CBFA2T2: variants seen among roughly 807,000 people sequenced by gnomAD.
The protein encoded by CBFA2T2 is CBFA2/RUNX1 partner transcriptional co-repressor 2.
Under a neutral mutation model 62.2 loss-of-function variants are expected in CBFA2T2, and 11 were observed. The ratio of observed to expected loss-of-function variants is 0.18; its 90% CI spans 0.11 to 0.29. The LOEUF (loss-of-function observed/expected upper bound fraction) is 0.29. CBFA2T2 is among the 10% of genes least tolerant of loss of function. The probability of loss-of-function intolerance (pLI) is 1.00; values close to 1 mark genes in which losing one functional copy is unlikely to be tolerated. For missense variants in CBFA2T2, 592 were observed against 774.1 expected, an observed-to-expected ratio of 0.76 and a Z score of 2.79; for synonymous variants, 295 against 287.5, an observed-to-expected ratio of 1.03 and a Z score of -0.27.
In CBFA2T2 at chr20:33,635,221, C is replaced by T. The variant is rs865949364; in HGVS notation, c.1229-1419C>T. Among the ~76,000 whole-genome samples, 16 of 152,306 alleles carry T rather than the reference C, an allele frequency of 1.1e-4. No individual in the cohort carries two copies. In the East Asian group the frequency reaches 3.1e-3, roughly 29 times the overall value. On this transcript the variant is annotated intron_variant, in intron 8 of 10. Coordinates refer to ENST00000342704, the MANE Select transcript of CBFA2T2 (RefSeq NM_001032999.3). ...AGGAAAATTATTTTAATTTAGAATTCTATACTTAACCAAAACAATTAAGTG... is the reference window on the plus strand; with the variant it reads ...AGGAAAATTATTTTAATTTAGAATTTTATACTTAACCAAAACAATTAAGTG...
At position 33,490,158 on chromosome 20, in the gene CBFA2T2, C is replaced by A; in HGVS notation, c.-110C>A. The A allele has an allele frequency of 9.0e-7, 1 of 1,112,168 alleles. No individual in the cohort carries two copies. The highest frequency in any genetic ancestry group is 1.1e-6 in the Non-Finnish European group (1 of 891,812). 68.9% of individuals were successfully genotyped at this position (1,112,168 alleles called of 1,614,324 possible). A position where few individuals can be genotyped will look rare whatever the true frequency, so the allele number is the denominator to read the frequency against. On this transcript the variant is annotated 5_prime_UTR_variant, in exon 1 of 11. Coordinates refer to ENST00000342704, the MANE Select transcript of CBFA2T2 (RefSeq NM_001032999.3). ...TCTGGTTAGCTCGGCGGCTGCAGAT[C>A]TCGCGGCGACGCCTGCGAGGGACCC...
At chr20:33,518,737 A>G (rs2011648752) in intron 1 of CBFA2T2, among the ~76,000 whole-genome samples, 1 of 151,460 alleles carries the variant, frequency 6.6e-6, no homozygotes, top group African/African-American at 2.4e-5. Context: ...ACGCCATTGC[A>G]GTCCAGCCTG....
At chr20:33,588,594 G>A (rs936289919) in intron 1 of CBFA2T2, among the ~76,000 whole-genome samples, 1 of 151,998 alleles carries the variant, frequency 6.6e-6, no homozygotes, top group African/African-American at 2.4e-5. Context: ...ATAATTAAGA[G>A]CAGTACACCC....
At chr20:33,614,128 A>AG (rs2015621759) in intron 3 of CBFA2T2, among the ~76,000 whole-genome samples, 1 of 152,270 alleles carries the variant, frequency 6.6e-6, no homozygotes, top group African/African-American at 2.4e-5. Flanking sequence ...AAAAAAAAAA[A>AG]AATTCATTTG....
At position 33,648,446 on chromosome 20, in the gene CBFA2T2, T is replaced by G. The variant is rs760647466; in HGVS notation, c.*3800T>G. On this transcript the variant is annotated 3_prime_UTR_variant, in exon 11 of 11. Coordinates refer to ENST00000342704, the MANE Select transcript of CBFA2T2 (RefSeq NM_001032999.3). ...GGGTTTCACGTCTTTGCTTGTCCTTTTTGTCCCCACTTGCCTGCACCGTGC... is the reference window on the plus strand; with the variant it reads ...GGGTTTCACGTCTTTGCTTGTCCTTGTTGTCCCCACTTGCCTGCACCGTGC... 47 of 152,396 alleles carry G rather than the reference T, an allele frequency of 3.1e-4. No homozygotes were observed. Among genetic ancestry groups the G allele is most frequent in the Admixed American group, 5.9e-4 (9 of 15,288 alleles). The allele number at this position is 152,396 out of a possible 1,614,324, so 9.4% of individuals were successfully genotyped here.
At chr20:33,607,567 C>T (rs2015384818) in intron 2 of CBFA2T2, among the ~76,000 whole-genome samples, 1 of 152,242 alleles carries the variant, frequency 6.6e-6, no homozygotes, top group South Asian at 2.1e-4. Context: ...TTCACTTTTT[C>T]ACAGTTCTGG....
At chr20:33,536,165 A>C (rs887989399) in intron 1 of CBFA2T2, among the ~76,000 whole-genome samples, 1 of 151,948 alleles carries the variant, frequency 6.6e-6, no homozygotes, top group African/African-American at 2.4e-5. Context: ...ATCCCGGCCC[A>C]TTCTCAATGA....
At chr20:33,586,384 T>C (rs1413012605) in intron 1 of CBFA2T2, among the ~76,000 whole-genome samples, 3 of 152,126 alleles carry the variant, frequency 2.0e-5, no homozygotes, top group Non-Finnish European at 2.9e-5. Flanking sequence ...TCCGCTCGCC[T>C]CAGCCTCCCA....
At chr20:33,557,629 C>T (rs2012943030) in intron 1 of CBFA2T2, among the ~76,000 whole-genome samples, 1 of 152,054 alleles carries the variant, frequency 6.6e-6, no homozygotes, top group South Asian at 2.1e-4. Flanking sequence ...ACCTCAGCCT[C>T]TCAGGTAGCT....
chr20:33,644,098 CAT>C (rs2016962778), intron 10 of CBFA2T2, among the ~76,000 whole-genome samples: 2 of 151,968 alleles, frequency 1.3e-5, no homozygotes, highest in South Asian at 4.2e-4. Context: ...TTCACACACA[CAT>C]CTCATTTCAC....
At chr20:33,613,825 G>T (rs540137981) in intron 3 of CBFA2T2, among the ~76,000 whole-genome samples, 10 of 152,230 alleles carry the variant, frequency 6.6e-5, no homozygotes, top group African/African-American at 2.4e-4. Flanking sequence ...ATGTCAAAAT[G>T]AGCTTGAACA....
At chr20:33,530,275 G>T (rs2012020043) in intron 1 of CBFA2T2, among the ~76,000 whole-genome samples, 2 of 152,046 alleles carry the variant, frequency 1.3e-5, no homozygotes. Flanking sequence ...CCTTAAGGCT[G>T]GCTTCACCTC....
intron 1 of CBFA2T2, among the ~76,000 whole-genome samples, chr20:33,589,995 G>A (rs2014543878): frequency 6.6e-6 from 1 of 152,068 alleles, no homozygotes. Flanking sequence ...GCTCACGCCT[G>A]TAATCTCAGT....
intron 1 of CBFA2T2, among the ~76,000 whole-genome samples, chr20:33,509,436 T>G (rs1020251340): frequency 6.6e-6 from 1 of 152,122 alleles, no homozygotes; most frequent in Non-Finnish European, 1.5e-5. Context: ...AAACAAGGCT[T>G]CAGATTTTAT....
chr20:33,555,429 C>T lies in CBFA2T2; in HGVS notation c.35-51527C>T, dbSNP rs140249556. Among the ~76,000 whole-genome samples, 688 of 152,190 alleles carry T rather than the reference C, an allele frequency of 4.5e-3. 3 individuals are homozygous for T. Among genetic ancestry groups the T allele is most frequent in the Middle Eastern group, 0.02 (6 of 294 alleles). On this transcript the variant is annotated intron_variant, in intron 1 of 10. Transcript: ENST00000342704. The stretch of plus-strand genomic sequence containing the variant: ...TCACACTTTTTTGTCATGGATGGGA[C>T]TTGTTTTCTGTTTTTTGTTTTGTTT...
At chr20:33,533,717 T>C (rs1368784424) in intron 1 of CBFA2T2, among the ~76,000 whole-genome samples, 7 of 151,942 alleles carry the variant, frequency 4.6e-5, no homozygotes, top group Non-Finnish European at 1.5e-5. Context: ...CTCATGCCTG[T>C]AATCCCAGCA....
chr20:33,527,712 T>G (rs557038661), intron 1 of CBFA2T2, among the ~76,000 whole-genome samples: 32 of 151,904 alleles, frequency 2.1e-4, no homozygotes, highest in African/African-American at 6.8e-4. Flanking sequence ...CTTTTTTTTT[T>G]GTTGTATTTT....
chr20:33,551,837 C>T (rs963506156), intron 1 of CBFA2T2, among the ~76,000 whole-genome samples: 1 of 152,144 alleles, frequency 6.6e-6, no homozygotes, highest in African/African-American at 2.4e-5. Context: ...TGGCCTGTTC[C>T]ATCAACTTTT....
intron 1 of CBFA2T2, among the ~76,000 whole-genome samples, chr20:33,523,608 CT>C (rs2011794776): frequency 6.6e-6 from 1 of 152,140 alleles, no homozygotes; most frequent in Non-Finnish European, 1.5e-5. Context: ...GGGATAAATA[CT>C]TTGAAGAAAA....
Sources: gnomAD v4.1 joint callset for allele counts (sites outside exome capture counted in the v4.1 genomes callset) on GRCh38, gnomAD v4.1.1 for gene constraint, MANE v1.5 for transcripts, NCBI Gene and HGNC (gene_info 2026-07-23, HGNC 2026-07-21) for gene names.